SASH1: variants seen among roughly 807,000 people sequenced by gnomAD.
The protein encoded by SASH1 is SAM and SH3 domain containing 1.
In SASH1, 44 loss-of-function variants were observed where a neutral mutation model predicts 125.2. The ratio of observed to expected loss-of-function variants is 0.35; its 90% CI spans 0.28 to 0.45. The LOEUF (loss-of-function observed/expected upper bound fraction) is 0.45. Among genes scored for constraint, SASH1 ranks in the 20% least tolerant of loss-of-function variants. The pLI is 1.00. For synonymous variants in SASH1, 639 were observed against 649.1 expected, an observed-to-expected ratio of 0.98 and a Z score of 0.24; for missense variants, 1,426 against 1,614.5, an observed-to-expected ratio of 0.88 and a Z score of 2.00.
intron 4 of SASH1, among the ~76,000 whole-genome samples, chr6:148,446,471 A>G (rs907946678): frequency 2.0e-5 from 3 of 152,146 alleles, no homozygotes; most frequent in African/African-American, 7.2e-5. Context: ...AGTATTTTCT[A>G]TGAAAAGTTT....
intron 1 of SASH1, among the ~76,000 whole-genome samples, chr6:148,376,652 C>T (rs1472486057): frequency 6.6e-6 from 1 of 151,612 alleles, no homozygotes; most frequent in Non-Finnish European, 1.5e-5. Context: ...ACATTGAGCC[C>T]AGGAGTTCAA....
rs1406823607 is a variant in SASH1, at chr6:148,543,797, A to T, written c.2327A>T (p.Asp776Val). 3 of 1,614,094 alleles carry T rather than the reference A, an allele frequency of 1.9e-6. No individual in the cohort carries two copies. The highest frequency in any genetic ancestry group is 2.5e-6 in the Non-Finnish European group (3 of 1,180,008). The change falls in exon 18 of 20, where the codon GAT (aspartate) becomes GTT (valine). Residue 776 changes from aspartate (D) to valine (V), a missense_variant. By Grantham distance (152) the Asp-to-Val change is radical. This residue lies in a region of SASH1 where 634 missense variants were observed against 694.4 expected (regional missense o/e 0.91). Transcript: ENST00000367467. ...ACATTGCCTTTAATGAAATCAGGGG[A>T]TGCACTGAAGCAGGGACAGGAGGAG... The part of the protein sequence containing the change: ...YPTLPLMKSG[D>V]ALKQGQEEGR...
intron 8 of SASH1, chr6:148,508,605 A>C: frequency 8.8e-7 from 1 of 1,142,608 alleles, no homozygotes; most frequent in Non-Finnish European, 1.1e-6. Flanking sequence ...CGAGTTATGC[A>C]GTTAGCAAGC....
intron 1 of SASH1, among the ~76,000 whole-genome samples, chr6:148,375,742 G>A (rs1050810586): frequency 6.6e-5 from 10 of 152,140 alleles, no homozygotes; most frequent in South Asian, 4.1e-4. Flanking sequence ...CACATGTGCC[G>A]GAACAAGAAA....
intron 4 of SASH1, among the ~76,000 whole-genome samples, chr6:148,456,338 G>A (rs966870271): frequency 6.6e-6 from 1 of 152,098 alleles, no homozygotes; most frequent in African/African-American, 2.4e-5. Flanking sequence ...CATACCGCCC[G>A]AGCGTGTGGC....
intron 4 of SASH1, among the ~76,000 whole-genome samples, chr6:148,466,760 G>C (rs1777855497): frequency 2.6e-5 from 4 of 151,726 alleles, no homozygotes; most frequent in Non-Finnish European, 5.9e-5. Flanking sequence ...TTTTTTTAAA[G>C]AGACAGTGTC....
intron 1 of SASH1, chr6:148,379,877 TGA>T: frequency 2.2e-6 from 1 of 456,400 alleles, no homozygotes; most frequent in Non-Finnish European, 4.4e-6. Flanking sequence ...CCATCACCGC[TGA>T]TCTTGTTCCA....
At chr6:148,266,799 A>G in the SASH1 span, among the ~76,000 whole-genome samples, 2 of 149,030 alleles carry the variant, frequency 1.3e-5, no homozygotes, top group East Asian at 2.0e-4. Context: ...TTTGGTAGAG[A>G]TGATGTCTCA....
At chr6:148,420,546 A>AT in intron 2 of SASH1, among the ~76,000 whole-genome samples, 1 of 152,316 alleles carries the variant, frequency 6.6e-6, no homozygotes, top group Non-Finnish European at 1.5e-5. Flanking sequence ...GGGAGTTTAC[A>AT]TGCCACTGTT....
chr6:148,276,212 G>A (rs1365676482), intron 1 of SASH1, among the ~76,000 whole-genome samples: 1 of 152,166 alleles, frequency 6.6e-6, no homozygotes. Context: ...AGGAGTTGTT[G>A]TAAGGATTAA....
chr6:148,236,277 C>T, the SASH1 span, among the ~76,000 whole-genome samples: 156 of 152,008 alleles, frequency 1.0e-3, no homozygotes, highest in African/African-American at 3.7e-3. Context: ...TGCAATGGCA[C>T]GATCTCGGCT....
At chr6:148,266,895 G>A in the SASH1 span, among the ~76,000 whole-genome samples, 1 of 152,046 alleles carries the variant, frequency 6.6e-6, no homozygotes, top group Non-Finnish European at 1.5e-5. Flanking sequence ...ACAAGTGTAA[G>A]CCACCATGCC....
intron 1 of SASH1, among the ~76,000 whole-genome samples, chr6:148,357,240 G>A (rs1195237262): frequency 3.9e-5 from 6 of 152,220 alleles, no homozygotes; most frequent in African/African-American, 1.4e-4. Flanking sequence ...CTTTGGCCAT[G>A]TAAATAATGT....
At position 148,531,748 on chromosome 6, in the gene SASH1, G is replaced by A. The variant is rs1433195816; in HGVS notation, c.1564+87G>A. The A allele has an allele frequency of 3.5e-6, 4 of 1,134,132 alleles. No homozygotes were observed. In the African/African-American group the frequency reaches 4.8e-5, roughly 14 times the overall value. 70.3% of individuals were successfully genotyped at this position (1,134,132 alleles called of 1,614,324 possible). Reference sequence around the variant, plus strand: ...CACTAGGTTCAGGCAATTTCAAGGTGAATAAGACCAAGTCCTGCCCTTCAG... The same window carrying A: ...CACTAGGTTCAGGCAATTTCAAGGTAAATAAGACCAAGTCCTGCCCTTCAG... On this transcript the variant is annotated intron_variant, in intron 13 of 19. Coordinates refer to ENST00000367467, the MANE Select transcript of SASH1 (RefSeq NM_015278.5).
Position 148,334,427 on chromosome 6 carries a change from C to CAAAAA in SASH1, n.75-55690_75-55686dup, listed in dbSNP as rs1162225428. Reference sequence around the variant, plus strand: ...TGGGCCACAGAGCGAGACTCCGTCTCAAAAAAAAAAAAAAAAAAAAAGAGA... The same window carrying CAAAAA: ...TGGGCCACAGAGCGAGACTCCGTCTCAAAAAAAAAAAAAAAAAAAAAAAAAAGAGA... On this transcript the variant is annotated intron_variant and non_coding_transcript_variant, in intron 1 of 3. Coordinates refer to the SASH1 transcript ENST00000367469. 1.7e-3 allele frequency among the ~76,000 whole-genome samples: 109 copies of CAAAAA among 63,696 alleles called. 2 individuals are homozygous for CAAAAA. Among genetic ancestry groups the CAAAAA allele is most frequent in the Middle Eastern group, 0.014 (1 of 70 alleles). 41.8% of individuals were successfully genotyped at this position (63,696 alleles called of 152,430 possible).
At chr6:148,270,418 T>G (rs1779034839), upstream of SASH1, among the ~76,000 whole-genome samples, 1 of 152,170 alleles carries the variant, frequency 6.6e-6, no homozygotes, top group Non-Finnish European at 1.5e-5. Flanking sequence ...AATTGCTAAA[T>G]AAGTGCATTA....
the SASH1 span, among the ~76,000 whole-genome samples, chr6:148,232,538 G>A: frequency 6.6e-6 from 1 of 152,142 alleles, no homozygotes; most frequent in African/African-American, 2.4e-5. Context: ...ACTGATACTC[G>A]GTGTTGTCGG....
intron 12 of SASH1, among the ~76,000 whole-genome samples, chr6:148,528,489 C>T (rs746299260): frequency 2.6e-5 from 4 of 152,208 alleles, no homozygotes; most frequent in African/African-American, 7.2e-5. Context: ...AACCAAGCAT[C>T]GCCCCTATGC....
intron 1 of SASH1, among the ~76,000 whole-genome samples, chr6:148,336,585 C>T (rs1160403470): frequency 6.6e-6 from 1 of 152,120 alleles, no homozygotes; most frequent in African/African-American, 2.4e-5. Context: ...CAGCTCTAAA[C>T]CAGAAGTGGT....
Sources: gnomAD v4.1 joint callset for allele counts (sites outside exome capture counted in the v4.1 genomes callset) on GRCh38, gnomAD v4.1.1 for gene constraint, gnomAD v4.1.1 regional missense constraint, MANE v1.5 for transcripts, NCBI Gene and HGNC (gene_info 2026-07-23, HGNC 2026-07-21) for gene names.